PREX1: variants seen among roughly 807,000 people sequenced by gnomAD.
PREX1 encodes the protein phosphatidylinositol-3,4,5-trisphosphate dependent Rac exchange factor 1, also known as phosphatidylinositol 3,4,5-trisphosphate-dependent Rac exchanger 1 protein.
In PREX1, 41 loss-of-function variants were observed where a neutral mutation model predicts 198.3. The observed-to-expected ratio is 0.21, with a 90% CI of 0.16 to 0.27. The LOEUF (loss-of-function observed/expected upper bound fraction) is 0.27, where lower values mean the gene tolerates loss of function less well. PREX1 is among the 10% of genes least tolerant of loss of function. The pLI is 1.00. For synonymous variants in PREX1, 843 were observed against 887.2 expected (o/e 0.95, Z 0.89); for missense variants, 1,620 against 2,200.7 (o/e 0.74, Z 5.28).
At chr20:48,821,434 C>T (rs2090484188) in intron 1 of PREX1, among the ~76,000 whole-genome samples, 1 of 152,188 alleles carries the variant, frequency 6.6e-6, no homozygotes, top group Non-Finnish European at 1.5e-5. Flanking sequence ...CTCCGAAACG[C>T]AGGGCAGGAA....
intron 5 of PREX1, 49 bp from the exon 6 acceptor site, chr20:48,708,470 C>T: frequency 6.3e-7 from 1 of 1,590,656 alleles, no homozygotes; most frequent in Non-Finnish European, 8.6e-7. Flanking sequence ...TCAATCAATC[C>T]AGAGGAGACC....
rs1245600434 is a variant in PREX1 at position 48,772,609 on chromosome 20, G to A, written c.220-24729C>T. ...CTGGAAAGGAAGTCGGCAGCTCAGC[G>A]GGAGGAAAGGCGACAGTATACAAAT... is the stretch of plus-strand genomic sequence containing the variant. On this transcript the variant is annotated intron_variant, in intron 1 of 39. Coordinates refer to ENST00000371941, the MANE Select transcript of PREX1 (RefSeq NM_020820.4). Among the ~76,000 whole-genome samples, 11 of 152,226 alleles carry A rather than the reference G, an allele frequency of 7.2e-5. No individual in the cohort carries two copies. In the South Asian group the frequency reaches 1.7e-3, roughly 23 times the overall value.
At chr20:48,626,856 A>G (rs2089276612) in intron 39 of PREX1, among the ~76,000 whole-genome samples, 1 of 152,256 alleles carries the variant, frequency 6.6e-6, no homozygotes, top group Non-Finnish European at 1.5e-5. Flanking sequence ...TTGTGGGCAG[A>G]TGACGACAGC....
the PREX1 span, among the ~76,000 whole-genome samples, chr20:48,884,323 G>C: frequency 6.6e-6 from 1 of 152,138 alleles, no homozygotes; most frequent in African/African-American, 2.4e-5. Context: ...TGTGGCGTTG[G>C]CATAAGGATA....
intron 3 of PREX1, among the ~76,000 whole-genome samples, chr20:48,741,510 T>C (rs2090081744): frequency 6.6e-6 from 1 of 152,106 alleles, no homozygotes. Context: ...CAGGTGCACA[T>C]TACCATGCCC....
At chr20:48,815,962 A>T (rs1437128211) in intron 1 of PREX1, among the ~76,000 whole-genome samples, 1 of 149,394 alleles carries the variant, frequency 6.7e-6, no homozygotes, top group Non-Finnish European at 1.5e-5. Context: ...GTGAGCCGAG[A>T]TTGCACCATT....
chr20:48,866,101 A>T, the PREX1 span, among the ~76,000 whole-genome samples: 2 of 152,116 alleles, frequency 1.3e-5, no homozygotes, highest in Non-Finnish European at 2.9e-5. Context: ...AGTGTGTGCC[A>T]CCATACCTGG....
Position 48,666,284 on chromosome 20 carries a change from G to A in PREX1, c.1737C>T (p.His579=), listed in dbSNP as rs374180744. The A allele has an allele frequency of 6.0e-5, 94 of 1,563,760 alleles. No individual in the cohort carries two copies. In the African/African-American group the frequency reaches 6.7e-4, roughly 11 times the overall value. The part of the protein sequence containing the change: ...VGLCNNGFMH[H]VLEKSEFRDE... ...TGGGCTGCAGGTGGGGGTGGTTACCGTGGTGCATGAAGCCATTGTTGCACA... is the reference window on the plus strand; with the variant it reads ...TGGGCTGCAGGTGGGGGTGGTTACCATGGTGCATGAAGCCATTGTTGCACA... The change falls in exon 15 of 40, where the codon CAC becomes CAT. Residue 579 remains histidine (H), a splice_region_variant and synonymous_variant. Coordinates refer to ENST00000371941, the MANE Select transcript of PREX1 (RefSeq NM_020820.4). The surrounding 1 kb of genome is among the most constrained non-coding windows in gnomAD (Gnocchi z 4.3).
At chr20:48,792,665 G>A (rs2090343539) in intron 1 of PREX1, among the ~76,000 whole-genome samples, 1 of 151,908 alleles carries the variant, frequency 6.6e-6, no homozygotes, top group Admixed American at 6.6e-5. Context: ...ATTCATAGTA[G>A]CCAAACTGTC....
At chr20:48,659,844 C>A in intron 16 of PREX1, 75 bp downstream of exon 16, 1 of 1,599,132 alleles carries the variant, frequency 6.3e-7, no homozygotes, top group Non-Finnish European at 8.5e-7. Context: ...CTGTGCATAA[C>A]CAGAAGGTCG....
At chr20:48,732,115 G>A (rs189875021) in intron 4 of PREX1, among the ~76,000 whole-genome samples, 11 of 152,332 alleles carry the variant, frequency 7.2e-5, no homozygotes, top group Admixed American at 2.0e-4. Flanking sequence ...TTTGCATTCT[G>A]CCCAGACTAT....
chr20:48,807,759 T>C (rs1262777586), intron 1 of PREX1, among the ~76,000 whole-genome samples: 1 of 152,170 alleles, frequency 6.6e-6, no homozygotes, highest in Admixed American at 6.5e-5. Flanking sequence ...ATTATGCCTC[T>C]TGTGTACGTG....
At chr20:48,659,318 GAA>G (rs1371083966) in intron 16 of PREX1, among the ~76,000 whole-genome samples, 4 of 148,084 alleles carry the variant, frequency 2.7e-5, no homozygotes, top group South Asian at 2.3e-4. Flanking sequence ...AGAAAAGAAA[GAA>G]GAGAGAGGAA....
intron 13 of PREX1, 41 bp downstream of exon 13, chr20:48,679,319 A>G: frequency 6.4e-7 from 1 of 1,569,870 alleles, no homozygotes; most frequent in Non-Finnish European, 8.8e-7. Flanking sequence ...ACAGCTGAGA[A>G]GAGGTAGAGG....
intron 1 of PREX1, among the ~76,000 whole-genome samples, chr20:48,811,037 G>C (rs2090431728): frequency 6.6e-6 from 1 of 152,144 alleles, no homozygotes; most frequent in African/African-American, 2.4e-5. Context: ...CTGCAGAAGG[G>C]GCAGCTGCTC....
At chr20:48,713,759 AGAG>A (rs760566478) in intron 5 of PREX1, among the ~76,000 whole-genome samples, 4 of 64,332 alleles carry the variant, frequency 6.2e-5, no homozygotes, top group Admixed American at 1.6e-4. Flanking sequence ...AAAAAAAAAA[AGAG>A]AGAGAGAGAT....
chr20:48,747,740 C>T (rs2090115622), intron 2 of PREX1, 69 bp downstream of exon 2: 4 of 1,489,446 alleles, frequency 2.7e-6, no homozygotes, highest in South Asian at 1.2e-5. Context: ...CTCTGAGCAT[C>T]GCACGGGAAG....
the PREX1 span, among the ~76,000 whole-genome samples, chr20:48,878,255 A>G: frequency 6.6e-6 from 1 of 152,200 alleles, no homozygotes; most frequent in Admixed American, 6.5e-5. Flanking sequence ...CATAGCCACA[A>G]AAAGTATACA....
At chr20:48,649,635 TG>T (rs2089477366) in intron 24 of PREX1, 59 bp from the exon 25 acceptor site, 1 of 1,511,596 alleles carries the variant, frequency 6.6e-7, no homozygotes, top group Admixed American at 2.1e-5. Flanking sequence ...ACTGGGCCTT[TG>T]GGCGGAACAA....
Sources: allele counts gnomAD v4.1 joint callset (sites outside exome capture counted in the v4.1 genomes callset), GRCh38; gene constraint gnomAD v4.1.1; non-coding constraint Gnocchi (gnomAD v3.1); transcripts MANE v1.5; gene names NCBI Gene and HGNC (gene_info 2026-07-23, HGNC 2026-07-21).